The following DPYSL3 variants were observed in gnomAD, a reference collection of about 807,000 sequenced individuals.
The protein encoded by DPYSL3 is dihydropyrimidinase like 3, also known as dihydropyrimidinase-related protein 3.
Under a neutral mutation model 66.1 loss-of-function variants are expected in DPYSL3, and 16 were observed. The ratio of observed to expected loss-of-function variants is 0.24; its 90% CI spans 0.16 to 0.37. The LOEUF (loss-of-function observed/expected upper bound fraction) is 0.37. DPYSL3 is among the 10% of genes least tolerant of loss of function. The pLI, the probability that DPYSL3 is intolerant of heterozygous loss-of-function variation, is 1.00. For synonymous variants in DPYSL3, 338 were observed against 345.1 expected (o/e 0.98, Z 0.23); for missense variants, 738 against 916.2 (o/e 0.81, Z 2.51).
intron 1 of DPYSL3, among the ~76,000 whole-genome samples, chr5:147,494,287 C>T (rs1753463294): frequency 6.6e-6 from 1 of 152,070 alleles, no homozygotes; most frequent in Non-Finnish European, 1.5e-5. Context: ...GTAATCTAAA[C>T]TTCCACTTTA....
At chr5:147,477,113 A>G (rs898529645) in intron 1 of DPYSL3, among the ~76,000 whole-genome samples, 1 of 152,232 alleles carries the variant, frequency 6.6e-6, no homozygotes, top group African/African-American at 2.4e-5. Context: ...TAAACGGACA[A>G]AATTCCCAAT....
At chr5:147,456,811 G>A (rs1291121727) in intron 1 of DPYSL3, among the ~76,000 whole-genome samples, 3 of 151,858 alleles carry the variant, frequency 2.0e-5, no homozygotes, top group Non-Finnish European at 2.9e-5. Context: ...TGCTGGTCTC[G>A]AACTCCTGAC....
At chr5:147,452,327 T>C (rs1284124185) in intron 1 of DPYSL3, among the ~76,000 whole-genome samples, 1 of 151,952 alleles carries the variant, frequency 6.6e-6, no homozygotes, top group Non-Finnish European at 1.5e-5. Flanking sequence ...GCAAATCAAC[T>C]ACTGTGGCAG....
chr5:147,450,557 G>A (rs1561792841), intron 1 of DPYSL3, among the ~76,000 whole-genome samples: 2 of 152,090 alleles, frequency 1.3e-5, no homozygotes, highest in African/African-American at 2.4e-5. Flanking sequence ...GGAGCTACTC[G>A]GGAGAAAGGT....
chr5:147,471,119 C>A (rs1753080609), intron 1 of DPYSL3, among the ~76,000 whole-genome samples: 1 of 152,062 alleles, frequency 6.6e-6, no homozygotes. Context: ...TGCATACATA[C>A]ATACATAAAG....
chr5:147,399,177 G>C lies in DPYSL3; in HGVS notation c.1528C>G (p.Pro510Ala). The C allele has an allele frequency of 6.2e-7, 1 of 1,614,240 alleles. No homozygotes were observed. The highest frequency in any genetic ancestry group is 1.3e-5 in the African/African-American group (1 of 75,062). ...CCCACAGATATTCTTCCCTTGCGGG[G>C]ATACAGGTTGAAGATCTTGGCAGCG... ...TNAAKIFNLYPRKGRISVGSD... is the reference protein window; with the variant it reads ...TNAAKIFNLYARKGRISVGSD... Residue 510 changes from proline (P) to alanine (A), a missense_variant, in exon 11 of 14, where the codon CCC becomes GCC. By Grantham distance (27) the Pro-to-Ala change is conservative. Transcript: ENST00000343218.
intron 1 of DPYSL3, among the ~76,000 whole-genome samples, chr5:147,460,645 C>T (rs114809741): frequency 6.6e-6 from 1 of 152,086 alleles, no homozygotes; most frequent in Admixed American, 6.6e-5. Context: ...GTCTAGACAC[C>T]AGTATCTGTC....
intron 1 of DPYSL3, among the ~76,000 whole-genome samples, chr5:147,457,801 G>A (rs1376356154): frequency 6.6e-6 from 1 of 152,178 alleles, no homozygotes; most frequent in Non-Finnish European, 1.5e-5. Flanking sequence ...GACATTTATT[G>A]TTTGAGTGGA....
chr5:147,446,829 GACA>G (rs1293527570), intron 1 of DPYSL3, among the ~76,000 whole-genome samples: 8 of 152,236 alleles, frequency 5.3e-5, no homozygotes, highest in African/African-American at 1.9e-4. Flanking sequence ...ATAGTGATGT[GACA>G]GGGTTGGCCA....
rs979762054 is a variant in DPYSL3, at chr5:147,453,448, G to T, written c.382-28485C>A. On this transcript the variant is annotated intron_variant, in intron 1 of 13. Coordinates refer to ENST00000343218, the MANE Select transcript of DPYSL3 (RefSeq NM_001197294.2). Reference sequence around the variant, plus strand: ...CCCCGGGTCTCCGTCCCTCCCCGGGGACCAGGCCAGAGAAGCCGGCGGGAT... The same window carrying T: ...CCCCGGGTCTCCGTCCCTCCCCGGGTACCAGGCCAGAGAAGCCGGCGGGAT... The T allele has an allele frequency of 2.8e-6, 4 of 1,420,268 alleles. No homozygotes were observed. The Admixed American group carries it at 8.0e-5, about 28-fold the overall frequency. 88.0% of individuals were successfully genotyped at this position (1,420,268 alleles called of 1,614,324 possible).
chr5:147,413,725 G>T (rs770813834), intron 4 of DPYSL3, 68 bp from the exon 5 acceptor site: 10 of 1,326,228 alleles, frequency 7.5e-6, no homozygotes, highest in Non-Finnish European at 9.7e-6. Flanking sequence ...TCCATCCTTT[G>T]CTCCCACTTC....
chr5:147,499,939 A>G (rs140035926), intron 1 of DPYSL3, among the ~76,000 whole-genome samples: 458 of 152,322 alleles, frequency 3.0e-3, no homozygotes, highest in Non-Finnish European at 5.4e-3. Flanking sequence ...TACAATGGAG[A>G]AAATATAATA....
intron 1 of DPYSL3, among the ~76,000 whole-genome samples, chr5:147,444,264 A>G (rs943951968): frequency 6.6e-6 from 1 of 152,192 alleles, no homozygotes; most frequent in Non-Finnish European, 1.5e-5. Context: ...CAAATTACTT[A>G]ATCTCTCTAA....
At chr5:147,478,349 A>T (rs1449449250) in intron 1 of DPYSL3, among the ~76,000 whole-genome samples, 2 of 152,212 alleles carry the variant, frequency 1.3e-5, no homozygotes, top group African/African-American at 4.8e-5. Context: ...CTGTCAACAA[A>T]AAAATCAGGG....
At chr5:147,404,657 T>C (rs552618829) in intron 8 of DPYSL3, among the ~76,000 whole-genome samples, 19 of 152,226 alleles carry the variant, frequency 1.2e-4, no homozygotes, top group African/African-American at 4.6e-4. Context: ...ACACTGAGGA[T>C]GAGAACCAGA....
At chr5:147,452,905 A>G (rs1308547305) in intron 1 of DPYSL3, among the ~76,000 whole-genome samples, 1 of 151,664 alleles carries the variant, frequency 6.6e-6, no homozygotes, top group Non-Finnish European at 1.5e-5. Context: ...ACACACACAC[A>G]CACACACACA....
At chr5:147,419,048 A>G (rs1287912565) in intron 2 of DPYSL3, among the ~76,000 whole-genome samples, 2 of 152,242 alleles carry the variant, frequency 1.3e-5, no homozygotes, top group East Asian at 1.9e-4. Flanking sequence ...ACTGAAGAAG[A>G]TAATAGTAAA....
At chr5:147,499,276 G>A (rs531104428) in intron 1 of DPYSL3, among the ~76,000 whole-genome samples, 3 of 152,112 alleles carry the variant, frequency 2.0e-5, no homozygotes, top group African/African-American at 7.2e-5. Context: ...AAGCCCTCAG[G>A]AACTAGTAAG....
intron 1 of DPYSL3, among the ~76,000 whole-genome samples, chr5:147,469,882 G>T (rs1336715794): frequency 6.6e-6 from 1 of 152,160 alleles, no homozygotes; most frequent in Non-Finnish European, 1.5e-5. Flanking sequence ...CAATACAGTG[G>T]CCCCTTTGGT....
Sources: gnomAD v4.1 joint callset for allele counts (sites outside exome capture counted in the v4.1 genomes callset) on GRCh38, gnomAD v4.1.1 for gene constraint, MANE v1.5 for transcripts, NCBI Gene and HGNC (gene_info 2026-07-23, HGNC 2026-07-21) for gene names.